The following RASAL2 variants were observed in gnomAD, a reference collection of about 807,000 sequenced individuals.
RASAL2 encodes RAS protein activator like 2.
Under a neutral mutation model 128.9 loss-of-function variants are expected in RASAL2, and 58 were observed. The observed-to-expected ratio is 0.45, with a 90% CI of 0.36 to 0.56. RASAL2 has a LOEUF of 0.56. Ranked by LOEUF, RASAL2 falls within the 20% of genes least tolerant of loss-of-function variation. The probability of loss-of-function intolerance (pLI) is 0.00; values close to 1 mark genes in which losing one functional copy is unlikely to be tolerated. For missense variants in RASAL2, 1,360 were observed against 1,601.6 expected, an observed-to-expected ratio of 0.85 and a Z score of 2.57; for synonymous variants, 561 against 580.8, an observed-to-expected ratio of 0.97 and a Z score of 0.49.
In RASAL2 at chr1:178,283,692, G is replaced by A. The variant is rs1666893813; in HGVS notation, c.330+1G>A. 1 of 1,613,414 alleles carries A rather than the reference G, an allele frequency of 6.2e-7. No individual in the cohort carries two copies. Among genetic ancestry groups the A allele is most frequent in the Non-Finnish European group, 8.5e-7 (1 of 1,179,740 alleles). ...GGTATTGCTCAACAAGGAGAAGGAG[G>A]TGAGATGGATATTATTCAGGAAAGT... On this transcript the variant is annotated splice_donor_variant, in intron 2 of 17. Coordinates refer to ENST00000367649, the MANE Select transcript of RASAL2 (RefSeq NM_170692.4). LOFTEE classifies it high-confidence loss of function.
At position 178,353,073 on chromosome 1, in the gene RASAL2, G is replaced by A. The variant is rs1463835996; in HGVS notation, c.458-37027G>A. Among the ~76,000 whole-genome samples the A allele has an allele frequency of 2.0e-5, 3 of 152,228 alleles. No individual in the cohort carries two copies. The East Asian group carries it at 5.8e-4, about 29-fold the overall frequency. ...GCAAGGCCTTTTCCCTAGTGTCTTG[G>A]CTATCAGTACTTGGCACCTTTTTAC... On this transcript the variant is annotated intron_variant, in intron 3 of 17. Coordinates refer to ENST00000367649, the MANE Select transcript of RASAL2 (RefSeq NM_170692.4).
chr1:178,194,942 C>A (rs1662610979), intron 1 of RASAL2, among the ~76,000 whole-genome samples: 1 of 152,144 alleles, frequency 6.6e-6, no homozygotes, highest in South Asian at 2.1e-4. Flanking sequence ...TATAAGGATC[C>A]AGTAAGAGAT....
chr1:178,428,472 G>C (rs886885063), intron 5 of RASAL2, among the ~76,000 whole-genome samples: 1 of 151,384 alleles, frequency 6.6e-6, no homozygotes, highest in Non-Finnish European at 1.5e-5. Context: ...TATGATTTTA[G>C]CTTTTATATA....
Position 178,475,479 on chromosome 1 carries a change from C to A in RASAL2, c.*2240C>A, listed in dbSNP as rs1043990270. 1 of 152,160 alleles carries A rather than the reference C, an allele frequency of 6.6e-6. No individual in the cohort carries two copies. The highest frequency in any genetic ancestry group is 1.5e-5 in the Non-Finnish European group (1 of 68,022). The allele number at this position is 152,160 out of a possible 1,614,324, so 9.4% of individuals were successfully genotyped here. On this transcript the variant is annotated 3_prime_UTR_variant, in exon 18 of 18. Transcript: ENST00000367649. ...CAGCTCAAGCCATGTTTAATTCATT[C>A]TTTGTAAAAGCCTTCAATTGTGCCA...
chr1:178,261,104 T>C (rs1204759017), intron 1 of RASAL2, among the ~76,000 whole-genome samples: 1 of 152,174 alleles, frequency 6.6e-6, no homozygotes, highest in African/African-American at 2.4e-5. Context: ...AACAGCTCTT[T>C]GGAACTCTCT....
chr1:178,381,645 A>C (rs2102564652), intron 3 of RASAL2, among the ~76,000 whole-genome samples: 1 of 152,094 alleles, frequency 6.6e-6, no homozygotes, highest in Admixed American at 6.6e-5. Context: ...TAAAACCCAA[A>C]CAGAGGCTCT....
intron 1 of RASAL2, among the ~76,000 whole-genome samples, chr1:178,159,295 G>A (rs1314044538): frequency 1.3e-5 from 2 of 152,068 alleles, no homozygotes. Flanking sequence ...TTGCGAATGA[G>A]GTGATAACAC....
chr1:178,429,142 C>T (rs775182074), intron 5 of RASAL2, among the ~76,000 whole-genome samples: 35 of 152,040 alleles, frequency 2.3e-4, no homozygotes, highest in Non-Finnish European at 4.4e-4. Flanking sequence ...TGCTCACTTG[C>T]GAATCCTTTC....
chr1:178,371,355 T>TACAAACACACACACACACAC (rs1671703635), intron 3 of RASAL2, among the ~76,000 whole-genome samples: 1 of 127,666 alleles, frequency 7.8e-6, no homozygotes, highest in Admixed American at 7.8e-5. Context: ...CACACACAAA[T>TACAAACACACACACACACAC]ACACACACAC....
intron 1 of RASAL2, among the ~76,000 whole-genome samples, chr1:178,200,481 G>A (rs1662825961): frequency 6.6e-6 from 1 of 152,184 alleles, no homozygotes; most frequent in Non-Finnish European, 1.5e-5. Flanking sequence ...GCTTCTAACT[G>A]GACCAAGTGA....
chr1:178,298,521 T>G (rs1047942229), intron 2 of RASAL2, among the ~76,000 whole-genome samples: 3 of 152,198 alleles, frequency 2.0e-5, no homozygotes, highest in Non-Finnish European at 4.4e-5. Context: ...CATCATCTCC[T>G]TGACCCAAGT....
intron 1 of RASAL2, among the ~76,000 whole-genome samples, chr1:178,150,581 A>G (rs1012378955): frequency 6.6e-6 from 1 of 152,176 alleles, no homozygotes; most frequent in Non-Finnish European, 1.5e-5. Flanking sequence ...GGACTTTAGG[A>G]ATTTAATTCA....
At chr1:178,370,540 C>T (rs929930351) in intron 3 of RASAL2, among the ~76,000 whole-genome samples, 3 of 151,996 alleles carry the variant, frequency 2.0e-5, no homozygotes, top group Non-Finnish European at 4.4e-5. Flanking sequence ...ATACCTTTTT[C>T]GACAATTTTT....
At chr1:178,411,589 A>G in intron 4 of RASAL2, 1 of 714,288 alleles carries the variant, frequency 1.4e-6, no homozygotes. Flanking sequence ...GTGGATGGAG[A>G]GACGACATGC....
At chr1:178,377,288 A>G (rs1210254048) in intron 3 of RASAL2, among the ~76,000 whole-genome samples, 1 of 152,120 alleles carries the variant, frequency 6.6e-6, no homozygotes, top group African/African-American at 2.4e-5. Context: ...AATTTCTGGT[A>G]ATATGCCAGA....
chr1:178,247,213 G>A (rs1403545447), intron 1 of RASAL2, among the ~76,000 whole-genome samples: 1 of 152,046 alleles, frequency 6.6e-6, no homozygotes, highest in Admixed American at 6.6e-5. Flanking sequence ...TTTTTTGTTG[G>A]TAAGCTATTA....
intron 1 of RASAL2, among the ~76,000 whole-genome samples, chr1:178,100,582 T>C (rs913546151): frequency 2.0e-5 from 3 of 151,732 alleles, no homozygotes; most frequent in Admixed American, 6.6e-5. Flanking sequence ...TGAGTGAAAT[T>C]TCTGTGGTTT....
intron 1 of RASAL2, among the ~76,000 whole-genome samples, chr1:178,260,364 ATATATATATATATATATAT>A (rs1665630307): frequency 2.0e-4 from 4 of 19,632 alleles, no homozygotes; most frequent in South Asian, 3.3e-3. Flanking sequence ...AAAAAAAAAA[ATATATATATATATATATAT>A]ATATATATAT....
intron 3 of RASAL2, among the ~76,000 whole-genome samples, chr1:178,354,061 A>C (rs1670664175): frequency 6.6e-6 from 1 of 152,230 alleles, no homozygotes; most frequent in South Asian, 2.1e-4. Context: ...TATACCACCT[A>C]GCAATGACAC....
Sources: allele counts gnomAD v4.1 joint callset (sites outside exome capture counted in the v4.1 genomes callset), GRCh38; gene constraint gnomAD v4.1.1; transcripts MANE v1.5; gene names NCBI Gene and HGNC (gene_info 2026-07-23, HGNC 2026-07-21).